The following CSMD1 variants were observed in gnomAD, a reference collection of about 807,000 sequenced individuals.
The protein encoded by CSMD1 is CUB and sushi domain-containing protein 1.
Under a neutral mutation model 417.5 loss-of-function variants are expected in CSMD1, and 213 were observed. The observed-to-expected ratio is 0.51, with a 90% CI of 0.46 to 0.57. CSMD1 has a LOEUF of 0.57. CSMD1 is among the 20% of genes least tolerant of loss of function. The pLI is 0.00. For synonymous variants in CSMD1, 2,862 were observed against 1,736.8 expected, an observed-to-expected ratio of 1.65 and a Z score of -16.11; for missense variants, 6,923 against 4,529.7, an observed-to-expected ratio of 1.53 and a Z score of -15.17.
chr8:3,974,246 ATCTT>A (rs1235724321), intron 5 of CSMD1, among the ~76,000 whole-genome samples: 7 of 137,164 alleles, frequency 5.1e-5, no homozygotes, highest in African/African-American at 2.1e-4. Flanking sequence ...TAATATAATT[ATCTT>A]AAATAATTAT....
intron 7 of CSMD1, among the ~76,000 whole-genome samples, chr8:3,669,384 C>T (rs904493804): frequency 9.2e-5 from 14 of 152,108 alleles, no homozygotes; most frequent in African/African-American, 3.4e-4. Flanking sequence ...AGGCCTTGAG[C>T]TTCTTGGGCT....
At chr8:4,510,138 C>T (rs969134160) in intron 2 of CSMD1, among the ~76,000 whole-genome samples, 10 of 151,922 alleles carry the variant, frequency 6.6e-5, no homozygotes, top group South Asian at 4.2e-4. Context: ...CTCCTTCACA[C>T]GCTCCCTTTG....
At chr8:4,082,465 G>C (rs964444622) in intron 3 of CSMD1, among the ~76,000 whole-genome samples, 1 of 152,038 alleles carries the variant, frequency 6.6e-6, no homozygotes, top group Non-Finnish European at 1.5e-5. Context: ...TGCCTAAGTA[G>C]TTCTAGGAGA....
intron 10 of CSMD1, among the ~76,000 whole-genome samples, chr8:3,522,074 G>T (rs947524787): frequency 6.6e-6 from 1 of 152,006 alleles, no homozygotes; most frequent in South Asian, 2.1e-4. Context: ...ATAGATATTT[G>T]GGATGTTTAT....
At chr8:3,038,894 C>G (rs1438146676) in intron 50 of CSMD1, among the ~76,000 whole-genome samples, 1 of 152,164 alleles carries the variant, frequency 6.6e-6, no homozygotes, top group African/African-American at 2.4e-5. Flanking sequence ...GAGGCTTAAA[C>G]TTCATCATGG....
At chr8:3,657,225 G>A (rs566893471) in intron 7 of CSMD1, among the ~76,000 whole-genome samples, 1 of 152,218 alleles carries the variant, frequency 6.6e-6, no homozygotes, top group African/African-American at 2.4e-5. Context: ...ATGCCTTGGG[G>A]TATAATCAAC....
chr8:4,508,005 C>T (rs182521044), intron 2 of CSMD1, among the ~76,000 whole-genome samples: 215 of 150,406 alleles, frequency 1.4e-3, no homozygotes, highest in African/African-American at 4.9e-3. Context: ...CAAAACTGAA[C>T]GTTTCTCAGT....
chr8:3,379,612 A>G (rs934849825), intron 18 of CSMD1, among the ~76,000 whole-genome samples: 1 of 152,194 alleles, frequency 6.6e-6, no homozygotes, highest in Non-Finnish European at 1.5e-5. Flanking sequence ...CAACCAACTG[A>G]CCTTTGACAA....
chr8:4,992,330 G>T (rs1463977936), intron 1 of CSMD1, among the ~76,000 whole-genome samples: 2 of 152,248 alleles, frequency 1.3e-5, no homozygotes, highest in Non-Finnish European at 2.9e-5. Context: ...CCGAGCTAGG[G>T]CCGCCGCGGT....
chr8:4,877,549 G>T (rs557095077), intron 1 of CSMD1, among the ~76,000 whole-genome samples: 1 of 151,900 alleles, frequency 6.6e-6, no homozygotes, highest in African/African-American at 2.4e-5. Context: ...TCAATGCATT[G>T]CACTAAGTTC....
intron 2 of CSMD1, among the ~76,000 whole-genome samples, chr8:4,468,842 A>G (rs966141414): frequency 6.6e-5 from 10 of 152,208 alleles, no homozygotes; most frequent in Non-Finnish European, 1.5e-4. Flanking sequence ...CAGCAATTGA[A>G]TTATCAATTA....
At chr8:3,164,904 A>G (rs73491777) in intron 37 of CSMD1, among the ~76,000 whole-genome samples, 2,596 of 152,154 alleles carry the variant, frequency 0.017, 66 homozygotes, top group African/African-American at 0.055. Context: ...CAGTTATTAC[A>G]TATTGATTTA....
Position 4,841,451 on chromosome 8 carries a change from A to G in CSMD1, c.85+152881T>C, listed in dbSNP as rs187274503. Among the ~76,000 whole-genome samples the G allele has an allele frequency of 1.2e-4, 19 of 152,304 alleles. No individual in the cohort carries two copies. In the East Asian group the frequency reaches 3.3e-3, roughly 26 times the overall value. ...AATCCCTACCACATGTTATGTGTTC[A>G]GTGTTAAACGAATAAACTAGCAAAG... On this transcript the variant is annotated intron_variant, in intron 1 of 69. Transcript: ENST00000635120.
intron 7 of CSMD1, among the ~76,000 whole-genome samples, chr8:3,695,490 G>A (rs1461791302): frequency 2.0e-5 from 3 of 152,020 alleles, no homozygotes; most frequent in African/African-American, 7.2e-5. Flanking sequence ...TTTACCTTAT[G>A]ATAATTAGCG....
At chr8:3,876,261 C>G (rs889649384) in intron 5 of CSMD1, among the ~76,000 whole-genome samples, 1 of 152,096 alleles carries the variant, frequency 6.6e-6, no homozygotes, top group African/African-American at 2.4e-5. Context: ...AATGCATTCA[C>G]GTGTTGTTTT....
intron 3 of CSMD1, among the ~76,000 whole-genome samples, chr8:4,375,443 G>A (rs942129404): frequency 1.3e-5 from 2 of 152,152 alleles, no homozygotes; most frequent in African/African-American, 2.4e-5. Flanking sequence ...CAGGAAACCA[G>A]AGCTGTCCTC....
intron 2 of CSMD1, among the ~76,000 whole-genome samples, chr8:4,473,139 T>C (rs1263593915): frequency 6.6e-6 from 1 of 152,150 alleles, no homozygotes; most frequent in Non-Finnish European, 1.5e-5. Flanking sequence ...TTATAGTAAA[T>C]TCCTGGAATA....
At chr8:3,999,155 T>A (rs950734847) in intron 4 of CSMD1, among the ~76,000 whole-genome samples, 2 of 151,972 alleles carry the variant, frequency 1.3e-5, no homozygotes, top group Admixed American at 1.3e-4. Flanking sequence ...TTCTTCCTTT[T>A]CTTTCTTCTT....
chr8:3,009,526 G>A (rs916969142), intron 52 of CSMD1, among the ~76,000 whole-genome samples: 2 of 152,132 alleles, frequency 1.3e-5, no homozygotes, highest in Admixed American at 6.6e-5. Context: ...AAAATGTCAG[G>A]TGCATCAGAT....
Sources: gnomAD v4.1 joint callset for allele counts (sites outside exome capture counted in the v4.1 genomes callset) on GRCh38, gnomAD v4.1.1 for gene constraint, MANE v1.5 for transcripts, NCBI Gene and HGNC (gene_info 2026-07-23, HGNC 2026-07-21) for gene names.